Variants in UHRF2 observed in about 807,000 individuals in gnomAD.
UHRF2 encodes E3 ubiquitin-protein ligase UHRF2.
UHRF2 carries 23 observed loss-of-function variants against 96.8 expected under a neutral mutation model. That is an observed-to-expected ratio of 0.24 (90% CI 0.17 to 0.34). UHRF2 has a LOEUF of 0.34. Among genes scored for constraint, UHRF2 ranks in the 10% least tolerant of loss-of-function variants. The probability of loss-of-function intolerance (pLI) is 1.00; values close to 1 mark genes in which losing one functional copy is unlikely to be tolerated. For synonymous variants in UHRF2, 385 were observed against 332.6 expected, an observed-to-expected ratio of 1.16 and a Z score of -1.72; for missense variants, 685 against 981.5, an observed-to-expected ratio of 0.70 and a Z score of 4.04.
At chr9:6,428,283 T>A in intron 2 of UHRF2, among the ~76,000 whole-genome samples, 1 of 152,124 alleles carries the variant, frequency 6.6e-6, no homozygotes, top group Non-Finnish European at 1.5e-5. Flanking sequence ...ATAAACACCA[T>A]CCAAGTTATG....
At chr9:6,499,735 G>A (rs188800759) in intron 12 of UHRF2, 100 bp from the exon 13 acceptor site, 3 of 643,674 alleles carry the variant, frequency 4.7e-6, no homozygotes, top group Middle Eastern at 3.9e-4. Flanking sequence ...TGGGGAACGT[G>A]TAGTCTTCCC....
rs758153587 is a variant in UHRF2, at chr9:6,413,562, G to C, written c.72G>C (p.Thr24=). The C allele has an allele frequency of 1.2e-6, 2 of 1,601,870 alleles. No homozygotes were observed. The highest frequency in any genetic ancestry group is 1.4e-5 in the African/African-American group (1 of 73,572). Residue 24 remains threonine (T), a synonymous_variant, in exon 1 of 16, where the codon ACG becomes ACC. Transcript: ENST00000276893. ...CTIEDVSRKA[T]IEELRERVWA... ...TTGAGGACGTGTCTCGCAAAGCCACGATTGAGGAGCTGCGCGAGCGGGTGT... is the reference window on the plus strand; with the variant it reads ...TTGAGGACGTGTCTCGCAAAGCCACCATTGAGGAGCTGCGCGAGCGGGTGT...
intron 10 of UHRF2, chr9:6,495,733 C>G (rs1257411049): frequency 6.6e-6 from 1 of 152,122 alleles, no homozygotes; most frequent in Non-Finnish European, 1.5e-5. Context: ...CTCTTGGACT[C>G]TTTTCATATA....
intron 4 of UHRF2, among the ~76,000 whole-genome samples, chr9:6,474,821 G>A (rs1197104730): frequency 2.0e-5 from 3 of 152,150 alleles, no homozygotes; most frequent in Admixed American, 6.5e-5. Context: ...GACAAGTATG[G>A]TGTAGTATTT....
intron 9 of UHRF2, among the ~76,000 whole-genome samples, chr9:6,489,397 CGTAA>C (rs1450664889): frequency 1.3e-5 from 2 of 152,116 alleles, no homozygotes; most frequent in African/African-American, 4.8e-5. Flanking sequence ...TTTTTGTAAA[CGTAA>C]GTCTTTATTT....
At chr9:6,431,597 AC>A (rs537382427) in intron 2 of UHRF2, among the ~76,000 whole-genome samples, 1 of 152,126 alleles carries the variant, frequency 6.6e-6, no homozygotes, top group South Asian at 2.1e-4. Flanking sequence ...AAAAATTCTT[AC>A]GTCCAGTTGT....
chr9:6,459,834 G>T (rs1401112850), intron 3 of UHRF2, among the ~76,000 whole-genome samples: 1 of 152,232 alleles, frequency 6.6e-6, no homozygotes, highest in African/African-American at 2.4e-5. Context: ...TTAGCTGGGT[G>T]TGGTGGCACG....
At chr9:6,426,574 A>T (rs1191558759) in intron 2 of UHRF2, among the ~76,000 whole-genome samples, 6 of 152,178 alleles carry the variant, frequency 3.9e-5, no homozygotes, top group African/African-American at 1.4e-4. Flanking sequence ...TGGTGCCTTT[A>T]TATTTTTCAG....
chr9:6,428,698 T>C lies in UHRF2; in HGVS notation c.385-5216T>C, dbSNP rs371492593. On this transcript the variant is annotated intron_variant, in intron 2 of 15. Coordinates refer to ENST00000276893, the MANE Select transcript of UHRF2 (RefSeq NM_152896.3). ...CTGAGTAACCGGGACTACAGGTCTG[T>C]GCCACCATACCCAGCTAATTTTCAA... Among the ~76,000 whole-genome samples, 27 of 152,104 alleles carry C rather than the reference T, an allele frequency of 1.8e-4. 3 individuals carry two copies. The highest frequency in any genetic ancestry group is 1.4e-3 in the Admixed American group (21 of 15,270).
intron 2 of UHRF2, among the ~76,000 whole-genome samples, chr9:6,425,856 G>A (rs954527680): frequency 9.2e-5 from 14 of 152,112 alleles, no homozygotes; most frequent in African/African-American, 2.9e-4. Context: ...TCAACAGACA[G>A]CAAGGAAATA....
At chr9:6,460,162 C>T (rs1418153521) in intron 3 of UHRF2, among the ~76,000 whole-genome samples, 1 of 152,150 alleles carries the variant, frequency 6.6e-6, no homozygotes, top group Non-Finnish European at 1.5e-5. Context: ...ATTCAGTCTC[C>T]CATTGCGAAT....
At chr9:6,487,036 TG>T in intron 9 of UHRF2, 111 bp downstream of exon 9, 1 of 964,040 alleles carries the variant, frequency 1.0e-6, no homozygotes, top group African/African-American at 1.6e-5. Context: ...GCACAGTTTT[TG>T]TTGAAGTAAT....
chr9:6,445,696 C>G (rs1203378472), intron 3 of UHRF2, among the ~76,000 whole-genome samples: 1 of 151,884 alleles, frequency 6.6e-6, no homozygotes, highest in Non-Finnish European at 1.5e-5. Flanking sequence ...TAGCTGGGAT[C>G]ACAGGTGCAT....
intron 4 of UHRF2, among the ~76,000 whole-genome samples, chr9:6,462,770 A>C (rs1000124740): frequency 6.6e-6 from 1 of 151,964 alleles, no homozygotes; most frequent in Admixed American, 6.5e-5. Flanking sequence ...TACAAAAATT[A>C]GCTGGGTGTA....
At chr9:6,430,146 G>A (rs1820485668) in intron 2 of UHRF2, among the ~76,000 whole-genome samples, 1 of 152,208 alleles carries the variant, frequency 6.6e-6, no homozygotes, top group African/African-American at 2.4e-5. Context: ...AAGTAGCTGG[G>A]ATTACAGGTG....
At chr9:6,447,411 TA>T (rs1158520118) in intron 3 of UHRF2, among the ~76,000 whole-genome samples, 1 of 152,192 alleles carries the variant, frequency 6.6e-6, no homozygotes, top group Non-Finnish European at 1.5e-5. Context: ...ATTGCTGTTT[TA>T]TAGTATGATG....
At chr9:6,435,980 TA>T (rs754315203) in intron 3 of UHRF2, among the ~76,000 whole-genome samples, 5 of 152,186 alleles carry the variant, frequency 3.3e-5, no homozygotes, top group Non-Finnish European at 7.3e-5. Flanking sequence ...ATTCTGACAG[TA>T]AACTATTGTC....
At chr9:6,429,515 G>T (rs904772256) in intron 2 of UHRF2, among the ~76,000 whole-genome samples, 4 of 152,158 alleles carry the variant, frequency 2.6e-5, no homozygotes, top group Non-Finnish European at 4.4e-5. Context: ...TTTTAGTAGA[G>T]ATGGGGGTTT....
intron 3 of UHRF2, among the ~76,000 whole-genome samples, chr9:6,447,531 T>C (rs954346183): frequency 6.6e-6 from 1 of 152,144 alleles, no homozygotes; most frequent in Non-Finnish European, 1.5e-5. Context: ...TGGGGCTACC[T>C]GAGAGTAGAT....
Sources: allele counts gnomAD v4.1 joint callset (sites outside exome capture counted in the v4.1 genomes callset), GRCh38; gene constraint gnomAD v4.1.1; transcripts MANE v1.5; gene names NCBI Gene and HGNC (gene_info 2026-07-23, HGNC 2026-07-21).